ZCCHC4: variants seen among roughly 807,000 people sequenced by gnomAD.
ZCCHC4 encodes zinc finger CCHC-type containing 4.
Under a neutral mutation model 67.7 loss-of-function variants are expected in ZCCHC4, and 54 were observed. The observed-to-expected ratio is 0.80, with a 90% CI of 0.64 to 1.00. The LOEUF (loss-of-function observed/expected upper bound fraction) is 1.00, where lower values mean the gene tolerates loss of function less well. Among genes scored for constraint, ZCCHC4 ranks in the 50% least tolerant of loss-of-function variants. The probability of loss-of-function intolerance (pLI) is 0.00; values close to 1 mark genes in which losing one functional copy is unlikely to be tolerated. For synonymous variants in ZCCHC4, 198 were observed against 213.5 expected (o/e 0.93, Z 0.63); for missense variants, 609 against 617.0 (o/e 0.99, Z 0.14).
intron 3 of ZCCHC4, among the ~76,000 whole-genome samples, chr4:25,329,311 T>A (rs1478274250): frequency 6.6e-6 from 1 of 152,150 alleles, no homozygotes; most frequent in Non-Finnish European, 1.5e-5. Flanking sequence ...TTATCATTTA[T>A]TATACTTTCA....
intron 3 of ZCCHC4, among the ~76,000 whole-genome samples, chr4:25,328,702 C>T (rs1289492397): frequency 6.6e-6 from 1 of 151,878 alleles, no homozygotes; most frequent in Non-Finnish European, 1.5e-5. Context: ...CCACCTCAGC[C>T]TCCTGAGCAG....
Position 25,365,029 on chromosome 4 carries a change from C to G in ZCCHC4, c.1269C>G (p.Ile423Met), listed in dbSNP as rs764342563. The G allele has an allele frequency of 6.2e-7, 1 of 1,613,390 alleles. No individual in the cohort carries two copies. Among genetic ancestry groups the G allele is most frequent in the South Asian group, 1.1e-5 (1 of 90,784 alleles). Residue 423 changes from isoleucine (I) to methionine (M), a missense_variant, in exon 12 of 13, where the codon ATC becomes ATG. Coordinates refer to ENST00000302874, the MANE Select transcript of ZCCHC4 (RefSeq NM_024936.3). ...TTAATTTTTATTTTACAGCCTGGATCCACTGTAGCATCTGCAATCACTGTG... is the reference window on the plus strand; with the variant it reads ...TTAATTTTTATTTTACAGCCTGGATGCACTGTAGCATCTGCAATCACTGTG... ...LCKKCVKPSW[I>M]HCSICNHCAV...
chr4:25,366,487 T>C (rs1185864761), intron 12 of ZCCHC4, among the ~76,000 whole-genome samples: 1 of 152,058 alleles, frequency 6.6e-6, no homozygotes, highest in Non-Finnish European at 1.5e-5. Context: ...GGCTTACTTT[T>C]TGTATTTTTT....
intron 3 of ZCCHC4, among the ~76,000 whole-genome samples, chr4:25,325,308 T>TC (rs1276323048): frequency 6.7e-6 from 1 of 149,202 alleles, no homozygotes; most frequent in African/African-American, 2.4e-5. Context: ...ACTCTCTCTT[T>TC]TTTTTTTTTT....
chr4:25,322,780 A>G (rs1301784478), intron 3 of ZCCHC4, among the ~76,000 whole-genome samples: 1 of 152,174 alleles, frequency 6.6e-6, no homozygotes, highest in Non-Finnish European at 1.5e-5. Flanking sequence ...GGCCTCCCGA[A>G]GTGCTGGGAT....
At chr4:25,361,731 C>T (rs752691162) in intron 8 of ZCCHC4, 128 bp from the exon 9 acceptor site, 26 of 993,784 alleles carry the variant, frequency 2.6e-5, no homozygotes, top group Non-Finnish European at 3.6e-5. Flanking sequence ...GGACTGGAAC[C>T]TGACACTTGG....
chr4:25,313,860 G>A (rs574803734), intron 1 of ZCCHC4, among the ~76,000 whole-genome samples, 186 bp from the exon 2 acceptor site: 1 of 152,156 alleles, frequency 6.6e-6, no homozygotes, highest in Non-Finnish European at 1.5e-5. Flanking sequence ...GGGAGACCCT[G>A]TCTCAAGAAA....
rs190965310 is a variant in ZCCHC4 at position 25,362,220 on chromosome 4, C to T, written c.1134-6C>T. 2.1e-5 allele frequency: 34 copies of T among 1,607,552 alleles called. No individual in the cohort carries two copies. In the East Asian group the frequency reaches 4.9e-4, roughly 23 times the overall value. Reference sequence around the variant, plus strand: ...ATGCAGCTGATTTCTCTGTCCTTTACTCTAGATTTTGCTCTCCGTGTCAAC... The same window carrying T: ...ATGCAGCTGATTTCTCTGTCCTTTATTCTAGATTTTGCTCTCCGTGTCAAC... On this transcript the variant is annotated splice_polypyrimidine_tract_variant and splice_region_variant and intron_variant, in intron 9 of 12. Transcript: ENST00000302874.
intron 12 of ZCCHC4, 65 bp downstream of exon 12, chr4:25,365,231 AG>A: frequency 6.3e-7 from 1 of 1,588,756 alleles, no homozygotes; most frequent in Non-Finnish European, 8.6e-7. Flanking sequence ...AATCCACAAA[AG>A]CATGCAACAT....
chr4:25,316,195 T>C (rs1718255994), intron 3 of ZCCHC4, among the ~76,000 whole-genome samples: 1 of 152,240 alleles, frequency 6.6e-6, no homozygotes, highest in African/African-American at 2.4e-5. Context: ...CCGTTGTCTG[T>C]CTATACCACA....
intron 1 of ZCCHC4, among the ~76,000 whole-genome samples, 197 bp downstream of exon 1, chr4:25,313,133 G>C (rs948925019): frequency 6.6e-6 from 1 of 152,220 alleles, no homozygotes; most frequent in African/African-American, 2.4e-5. Context: ...CACTCTTGTG[G>C]TTTTGGCTCC....
At position 25,351,662 on chromosome 4, in the gene ZCCHC4, T is replaced by C. The variant is rs1452682085; in HGVS notation, c.984T>C (p.Phe328=). ...YFFESRICQF[F]PSFQMLDYQV... ...TTGAATCCCGAATTTGTCAGTTTTTTCCAAGCTTCCAGATGCTGGATTACC... is the reference window on the plus strand; with the variant it reads ...TTGAATCCCGAATTTGTCAGTTTTTCCCAAGCTTCCAGATGCTGGATTACC... The change falls in exon 8 of 13, where the codon TTT becomes TTC. Residue 328 remains phenylalanine (F), a synonymous_variant. Transcript: ENST00000302874. The C allele has an allele frequency of 3.1e-6, 5 of 1,612,432 alleles. No homozygotes were observed. The East Asian group carries it at 1.1e-4, about 36-fold the overall frequency.
intron 5 of ZCCHC4, 80 bp downstream of exon 5, chr4:25,334,068 T>C (rs1189230801): frequency 1.0e-6 from 1 of 956,046 alleles, no homozygotes; most frequent in Non-Finnish European, 1.5e-6. Context: ...TTGTTTATAC[T>C]CTGTTACAAC....
Position 25,361,871 on chromosome 4 carries a change from A to G in ZCCHC4, c.1024A>G (p.Asn342Asp). ...QMLDYQVDYD[N>D]HALYKHGKTG... ...TTTAACTTTCTAGGTAGATTATGAT[A>G]ATCATGCACTTTATAAACACGGAAA... The change falls in exon 9 of 13, where the codon AAT (asparagine) becomes GAT (aspartate). Residue 342 changes from asparagine to aspartate, a missense_variant. Physicochemically the swap from Asn to Asp is conservative, Grantham distance 23. Transcript: ENST00000302874. 6.2e-7 allele frequency: 1 copy of G among 1,606,734 alleles called. No individual in the cohort carries two copies.
At position 25,314,140 on chromosome 4, in the gene ZCCHC4, T is replaced by C. The variant is rs1718116288; in HGVS notation, c.222T>C (p.Asn74=). Residue 74 remains asparagine (N), a synonymous_variant, in exon 2 of 13, where the codon AAT becomes AAC. Coordinates refer to ENST00000302874, the MANE Select transcript of ZCCHC4 (RefSeq NM_024936.3). ...CCTGTAGAGATAGAAAAGACTGTAA[T>C]TTTTTTCAGTGGGAAGATGAAAAGG... ...CSACRDRKDC[N]FFQWEDEKLS... is the part of the protein sequence containing the mutation. 3 of 1,599,172 alleles carry C rather than the reference T, an allele frequency of 1.9e-6. No homozygotes were observed. Among genetic ancestry groups the C allele is most frequent in the Non-Finnish European group, 2.6e-6 (3 of 1,175,028 alleles).
intron 3 of ZCCHC4, among the ~76,000 whole-genome samples, chr4:25,317,334 T>G (rs1251543928): frequency 6.6e-6 from 1 of 152,168 alleles, no homozygotes; most frequent in East Asian, 1.9e-4. Context: ...GATTGTCCCT[T>G]AACTACAGTG....
intron 3 of ZCCHC4, among the ~76,000 whole-genome samples, chr4:25,324,325 G>GT (rs1242999673): frequency 6.6e-6 from 1 of 151,936 alleles, no homozygotes; most frequent in African/African-American, 2.4e-5. Context: ...AGTATGTACT[G>GT]TTTTTTAAGG....
In ZCCHC4 at chr4:25,314,065, A is replaced by AT; in HGVS notation, c.147_148insT (p.Lys50Ter). On this transcript the variant is annotated frameshift_variant, in exon 2 of 13. Transcript: ENST00000302874. LOFTEE classifies it high-confidence loss of function. ...AACTAGGACCCACTCTTCTGTTTGTAAAGGTGACCCAAGGGAAAGAAGAAA... is the reference window on the plus strand; with the variant it reads ...AACTAGGACCCACTCTTCTGTTTGTATAAGGTGACCCAAGGGAAAGAAGAAA... The AT allele has an allele frequency of 6.3e-7, 1 of 1,579,558 alleles. No individual in the cohort carries two copies. Among genetic ancestry groups the AT allele is most frequent in the South Asian group, 1.1e-5 (1 of 89,252 alleles).
chr4:25,356,942 CATA>C (rs1056442455), intron 8 of ZCCHC4, among the ~76,000 whole-genome samples: 3 of 152,152 alleles, frequency 2.0e-5, no homozygotes, highest in Non-Finnish European at 2.9e-5. Flanking sequence ...GACTTCCCAA[CATA>C]ATAATCCTCT....
Sources: gnomAD v4.1 joint callset for allele counts (sites outside exome capture counted in the v4.1 genomes callset) on GRCh38, gnomAD v4.1.1 for gene constraint, MANE v1.5 for transcripts, NCBI Gene and HGNC (gene_info 2026-07-23, HGNC 2026-07-21) for gene names.